The following PRKCA variants were observed in gnomAD, a reference collection of about 807,000 sequenced individuals.
The protein encoded by PRKCA is protein kinase C alpha, also known as protein kinase C alpha type.
A neutral mutation model predicts 87.0 loss-of-function variants in PRKCA; 27 were observed. The observed-to-expected ratio is 0.31, with a 90% CI of 0.23 to 0.43. The LOEUF (loss-of-function observed/expected upper bound fraction) is 0.43, where lower values mean the gene tolerates loss of function less well. Ranked by LOEUF, PRKCA falls within the 20% of genes least tolerant of loss-of-function variation. The probability of loss-of-function intolerance (pLI) is 1.00; values close to 1 mark genes in which losing one functional copy is unlikely to be tolerated. For synonymous variants in PRKCA, 329 were observed against 311.1 expected (o/e 1.06, Z -0.61); for missense variants, 518 against 852.3 (o/e 0.61, Z 4.88).
chr17:66,674,361 G>A (rs1277098908), intron 5 of PRKCA, among the ~76,000 whole-genome samples: 2 of 152,246 alleles, frequency 1.3e-5, no homozygotes, highest in African/African-American at 4.8e-5. Flanking sequence ...TGGGCACAGA[G>A]ATACACGTGT....
At chr17:66,729,540 G>C (rs1395678183) in intron 8 of PRKCA, among the ~76,000 whole-genome samples, 1 of 152,208 alleles carries the variant, frequency 6.6e-6, no homozygotes, top group East Asian at 1.9e-4. Context: ...TAGCATCACA[G>C]TTCATGTTTT....
chr17:66,564,357 G>A (rs959918109), intron 3 of PRKCA, among the ~76,000 whole-genome samples: 2 of 152,108 alleles, frequency 1.3e-5, no homozygotes, highest in Non-Finnish European at 2.9e-5. Context: ...GGGATTATAG[G>A]TATGAGCCAC....
chr17:66,425,966 T>A (rs1912782282), intron 2 of PRKCA, among the ~76,000 whole-genome samples: 1 of 152,148 alleles, frequency 6.6e-6, no homozygotes, highest in Admixed American at 6.5e-5. Flanking sequence ...GCTTTGTGGT[T>A]GAGCACAGTG....
chr17:66,505,475 A>G (rs1916936889), intron 3 of PRKCA, among the ~76,000 whole-genome samples: 1 of 152,194 alleles, frequency 6.6e-6, no homozygotes, highest in Non-Finnish European at 1.5e-5. Context: ...GGGGCTTGTC[A>G]GCTGAATCCC....
At chr17:66,377,622 A>G (rs1658481967) in intron 2 of PRKCA, among the ~76,000 whole-genome samples, 1 of 130,348 alleles carries the variant, frequency 7.7e-6, no homozygotes, top group Non-Finnish European at 1.7e-5. Flanking sequence ...TGTCTATATT[A>G]TATATATGTC....
intron 13 of PRKCA, among the ~76,000 whole-genome samples, chr17:66,758,176 C>A (rs1974601627): frequency 6.6e-6 from 1 of 152,172 alleles, no homozygotes; most frequent in Non-Finnish European, 1.5e-5. Flanking sequence ...AACATGAGGC[C>A]GCATCTCTTT....
At chr17:66,590,143 C>G (rs1346913083) in intron 3 of PRKCA, among the ~76,000 whole-genome samples, 1 of 152,082 alleles carries the variant, frequency 6.6e-6, no homozygotes, top group Admixed American at 6.5e-5. Flanking sequence ...GCAGCAGGCT[C>G]AGGACATGAG....
chr17:66,706,402 G>A (rs1395850094), intron 8 of PRKCA, among the ~76,000 whole-genome samples: 1 of 151,928 alleles, frequency 6.6e-6, no homozygotes, highest in Non-Finnish European at 1.5e-5. Flanking sequence ...TTGGGAGGCC[G>A]AGGCAGGCAG....
rs1297418923 is a variant in PRKCA, at chr17:66,810,494, CTTTG to C, written c.*6462_*6465del. On this transcript the variant is annotated 3_prime_UTR_variant, in exon 17 of 17. Coordinates refer to ENST00000413366, the MANE Select transcript of PRKCA (RefSeq NM_002737.3). The stretch of plus-strand genomic sequence containing the variant: ...TTGAAAAACATCATATAAGCCCCAA[CTTTG>C]TTTGGAGGAAGAGACGGAGGTTGAG... 1 of 152,188 alleles carries C rather than the reference CTTTG, an allele frequency of 6.6e-6. No individual in the cohort carries two copies. The highest frequency in any genetic ancestry group is 2.4e-5 in the African/African-American group (1 of 41,450). The allele number at this position is 152,188 out of a possible 1,614,324, so 9.4% of individuals were successfully genotyped here. A position where few individuals can be genotyped will look rare whatever the true frequency, so the allele number is the denominator to read the frequency against.
rs1975828403 is a variant in PRKCA at position 66,799,539 on chromosome 17, TA to T, written c.1855-4333del. On this transcript the variant is annotated intron_variant, in intron 16 of 16. Coordinates refer to ENST00000413366, the MANE Select transcript of PRKCA (RefSeq NM_002737.3). ...GTAATGGTGGTGGTGATGGTGGTGG[TA>T]GTGACGGTGGTGGTGGTGGTGGTGG... is the stretch of plus-strand genomic sequence containing the variant. Among the ~76,000 whole-genome samples the T allele has an allele frequency of 3.3e-4, 2 of 6,054 alleles. 1 individual carries two copies. Among genetic ancestry groups the T allele is most frequent in the Non-Finnish European group, 7.4e-4 (2 of 2,698 alleles). The allele number at this position is 6,054 out of a possible 152,430, so 4.0% of individuals were successfully genotyped here.
chr17:66,404,286 G>T (rs900429504), intron 2 of PRKCA: 1 of 152,206 alleles, frequency 6.6e-6, no homozygotes, highest in Non-Finnish European at 1.5e-5. Context: ...TGCTAGAAAA[G>T]CCTCTACAGG....
intron 3 of PRKCA, among the ~76,000 whole-genome samples, chr17:66,595,486 G>T (rs1240065015): frequency 6.4e-5 from 4 of 62,658 alleles, no homozygotes; most frequent in African/African-American, 2.7e-4. Flanking sequence ...TTTTGAGACA[G>T]TCTTGCTCTG....
intron 3 of PRKCA, among the ~76,000 whole-genome samples, chr17:66,535,204 G>A (rs563819868): frequency 6.6e-6 from 1 of 152,258 alleles, no homozygotes; most frequent in South Asian, 2.1e-4. Flanking sequence ...TGTGATTTGT[G>A]AATTCCCACT....
At chr17:66,344,724 A>G (rs556901721) in intron 2 of PRKCA, among the ~76,000 whole-genome samples, 2 of 152,324 alleles carry the variant, frequency 1.3e-5, no homozygotes, top group South Asian at 4.1e-4. Flanking sequence ...TTTGTCACAG[A>G]TATTGACAAG....
At chr17:66,615,554 C>T (rs533139535) in intron 3 of PRKCA, among the ~76,000 whole-genome samples, 67 of 152,098 alleles carry the variant, frequency 4.4e-4, no homozygotes, top group Admixed American at 9.8e-4. Context: ...ATCCTTCAAG[C>T]CTGAGAGAAA....
At chr17:66,367,633 C>A (rs1251863016) in intron 2 of PRKCA, among the ~76,000 whole-genome samples, 1 of 152,174 alleles carries the variant, frequency 6.6e-6, no homozygotes, top group Non-Finnish European at 1.5e-5. Context: ...GTCTATTTTT[C>A]TCTCCTGGTT....
chr17:66,412,001 C>CTT (rs34558353), intron 2 of PRKCA, among the ~76,000 whole-genome samples: 38 of 136,044 alleles, frequency 2.8e-4, no homozygotes, highest in Admixed American at 1.0e-3. Flanking sequence ...GAAAAAAAAT[C>CTT]TTTTTTTTTT....
At position 66,798,426 on chromosome 17, in the gene PRKCA, TGGTGGTGAC is replaced by T. The variant is rs1568040819; in HGVS notation, c.1855-5439_1855-5431del. On this transcript the variant is annotated intron_variant, in intron 16 of 16. Transcript: ENST00000413366. ...GTGGTGATGGTGATGGTGGTGGTGG[TGGTGGTGAC>T]GGTGGTGGTGGTGGTGACGGTGGTG... Among the ~76,000 whole-genome samples the T allele has an allele frequency of 4.0e-4, 54 of 136,554 alleles. 1 individual carries two copies. The highest frequency in any genetic ancestry group is 5.4e-4 in the Non-Finnish European group (35 of 64,366). The allele number at this position is 136,554 out of a possible 152,430, so 89.6% of individuals were successfully genotyped here.
At chr17:66,445,148 C>CTA (rs1913969671) in intron 2 of PRKCA, among the ~76,000 whole-genome samples, 1 of 152,192 alleles carries the variant, frequency 6.6e-6, no homozygotes, top group Non-Finnish European at 1.5e-5. Flanking sequence ...TGAGCTATCC[C>CTA]CCCTACGGTG....
Sources: gnomAD v4.1 joint callset for allele counts (sites outside exome capture counted in the v4.1 genomes callset) on GRCh38, gnomAD v4.1.1 for gene constraint, MANE v1.5 for transcripts, NCBI Gene and HGNC (gene_info 2026-07-23, HGNC 2026-07-21) for gene names.